The following ITFG1 variants were observed in gnomAD, a reference collection of about 807,000 sequenced individuals.
ITFG1 encodes the protein integrin alpha FG-GAP repeat containing 1, also known as T-cell immunomodulatory protein.
ITFG1 carries 34 observed loss-of-function variants against 81.8 expected under a neutral mutation model. That is an observed-to-expected ratio of 0.42 (90% CI 0.32 to 0.55). The LOEUF is 0.55. ITFG1 is among the 20% of genes least tolerant of loss of function. ITFG1 has a pLI of 0.17. For synonymous variants in ITFG1, 285 were observed against 270.6 expected (o/e 1.05, Z -0.52); for missense variants, 672 against 755.4 (o/e 0.89, Z 1.29).
At chr16:47,447,305 T>C (rs1267471139) in intron 5 of ITFG1, among the ~76,000 whole-genome samples, 2 of 152,186 alleles carry the variant, frequency 1.3e-5, no homozygotes, top group South Asian at 2.1e-4. Context: ...GCACAGAAAC[T>C]GTAACACTAT....
chr16:47,372,404 ATT>A (rs1307827825), intron 7 of ITFG1, among the ~76,000 whole-genome samples: 1 of 150,486 alleles, frequency 6.6e-6, no homozygotes, highest in African/African-American at 2.4e-5. Context: ...TTCTAAAATA[ATT>A]TTTTTCCTGC....
chr16:47,371,654 T>C (rs1230510833), intron 7 of ITFG1, among the ~76,000 whole-genome samples: 1 of 152,182 alleles, frequency 6.6e-6, no homozygotes, highest in Admixed American at 6.5e-5. Flanking sequence ...TATCTTTATT[T>C]ATGTAAAGCA....
intron 6 of ITFG1, among the ~76,000 whole-genome samples, chr16:47,389,347 A>G (rs185826064): frequency 5.5e-4 from 84 of 152,290 alleles, no homozygotes; most frequent in African/African-American, 1.9e-3. Context: ...TAATAAAACA[A>G]TATGTATATA....
chr16:47,460,779 G>A (rs1969524432), intron 1 of ITFG1, 59 bp downstream of exon 1: 4 of 1,571,828 alleles, frequency 2.5e-6, no homozygotes, highest in South Asian at 1.1e-5. Context: ...AATGGGTTTG[G>A]GGAACACCGG....
At chr16:47,187,435 C>G (rs1177637448) in intron 14 of ITFG1, among the ~76,000 whole-genome samples, 3 of 152,060 alleles carry the variant, frequency 2.0e-5, no homozygotes, top group African/African-American at 7.2e-5. Context: ...TGGAACAGAA[C>G]AGAGCCCTCA....
At chr16:47,166,277 T>G (rs1292507015) in intron 14 of ITFG1, among the ~76,000 whole-genome samples, 1 of 152,236 alleles carries the variant, frequency 6.6e-6, no homozygotes, top group African/African-American at 2.4e-5. Flanking sequence ...TTTTCCTGTT[T>G]ATACTATTAA....
At chr16:47,449,615 T>C (rs1220410357) in intron 5 of ITFG1, 1 of 152,212 alleles carries the variant, frequency 6.6e-6, no homozygotes, top group African/African-American at 2.4e-5. Context: ...TATTGTTTAA[T>C]TTGTAACTGA....
chr16:47,291,455 G>C (rs971896747), intron 10 of ITFG1, among the ~76,000 whole-genome samples: 1 of 151,930 alleles, frequency 6.6e-6, no homozygotes, highest in Non-Finnish European at 1.5e-5. Flanking sequence ...GGAGACCTTT[G>C]AGATTCCTGA....
intron 14 of ITFG1, among the ~76,000 whole-genome samples, chr16:47,166,067 C>T (rs1277955984): frequency 6.6e-6 from 1 of 152,148 alleles, no homozygotes; most frequent in African/African-American, 2.4e-5. Flanking sequence ...AATTCAGGCA[C>T]AGCTGACCAG....
chr16:47,460,261 C>T (rs979546253), intron 1 of ITFG1, among the ~76,000 whole-genome samples: 4 of 152,138 alleles, frequency 2.6e-5, no homozygotes, highest in Non-Finnish European at 5.9e-5. Flanking sequence ...CTGCAAAATG[C>T]TTGTGTGAGC....
At chr16:47,437,737 G>T (rs906795073) in intron 5 of ITFG1, among the ~76,000 whole-genome samples, 3 of 152,198 alleles carry the variant, frequency 2.0e-5, no homozygotes, top group Admixed American at 2.0e-4. Flanking sequence ...TGGCCAAATA[G>T]GAACGGCTCC....
chr16:47,444,315 A>G (rs1241777607), intron 5 of ITFG1, among the ~76,000 whole-genome samples: 1 of 152,218 alleles, frequency 6.6e-6, no homozygotes, highest in East Asian at 1.9e-4. Context: ...AATATAATGC[A>G]GCTAAAATAA....
intron 8 of ITFG1, among the ~76,000 whole-genome samples, chr16:47,347,451 C>G (rs997374247): frequency 6.6e-6 from 1 of 152,218 alleles, no homozygotes; most frequent in South Asian, 2.1e-4. Flanking sequence ...TCATTGCTAG[C>G]GCAGCAGTCT....
At chr16:47,240,131 A>G (rs914914790) in intron 12 of ITFG1, among the ~76,000 whole-genome samples, 1 of 144,586 alleles carries the variant, frequency 6.9e-6, no homozygotes, top group African/African-American at 2.6e-5. Context: ...GTCTACCAGA[A>G]AAAAAAAAAA....
At chr16:47,373,761 A>G (rs1968289183) in intron 7 of ITFG1, among the ~76,000 whole-genome samples, 1 of 152,154 alleles carries the variant, frequency 6.6e-6, no homozygotes, top group African/African-American at 2.4e-5. Flanking sequence ...GAGCACTACC[A>G]TGGGGCTGTA....
chr16:47,228,864 G>A (rs1044066343), intron 13 of ITFG1, among the ~76,000 whole-genome samples: 4 of 152,190 alleles, frequency 2.6e-5, no homozygotes, highest in African/African-American at 4.8e-5. Context: ...CATTAATAGG[G>A]AATGTTTTTC....
intron 14 of ITFG1, among the ~76,000 whole-genome samples, chr16:47,168,755 A>G (rs983533395): frequency 6.6e-6 from 1 of 152,022 alleles, no homozygotes; most frequent in African/African-American, 2.4e-5. Flanking sequence ...AAATTTTGTT[A>G]CTAGTGCTTT....
chr16:47,234,604 A>T (rs1475770788), intron 13 of ITFG1, among the ~76,000 whole-genome samples: 1 of 152,232 alleles, frequency 6.6e-6, no homozygotes, highest in Non-Finnish European at 1.5e-5. Context: ...ATACCCAAGC[A>T]TATCATATTC....
Position 47,158,926 on chromosome 16 carries a change from C to T in ITFG1, c.1726G>A (p.Gly576Ser), listed in dbSNP as rs777506316. 361 of 1,604,296 alleles carry T rather than the reference C, an allele frequency of 2.3e-4. No homozygotes were observed. Among genetic ancestry groups the T allele is most frequent in the Non-Finnish European group, 2.9e-4 (344 of 1,175,130 alleles). ...ATTGCCAAGATGAAAACACAGACAC[C>T]GATGAGAGCTATAGCAGTAAGCAGA... ...IVLLTAIALI[G>S]VCVFILAIIG... Residue 576 changes from glycine to serine, a missense_variant, in exon 17 of 18, where the codon GGT becomes AGT. Coordinates refer to ENST00000320640, the MANE Select transcript of ITFG1 (RefSeq NM_030790.5).
Sources: gnomAD v4.1 joint callset for allele counts (sites outside exome capture counted in the v4.1 genomes callset) on GRCh38, gnomAD v4.1.1 for gene constraint, MANE v1.5 for transcripts, NCBI Gene and HGNC (gene_info 2026-07-23, HGNC 2026-07-21) for gene names.